Variants in MGAT4A observed in about 807,000 individuals in gnomAD.
MGAT4A encodes alpha-1,3-mannosyl-glycoprotein 4-beta-N-acetylglucosaminyltransferase A.
In MGAT4A, 33 loss-of-function variants were observed where a neutral mutation model predicts 74.1. The ratio of observed to expected loss-of-function variants is 0.45; its 90% CI spans 0.34 to 0.60. The LOEUF (loss-of-function observed/expected upper bound fraction) is 0.60. MGAT4A is among the 20% of genes least tolerant of loss of function. The pLI is 0.02. For missense variants in MGAT4A, 479 were observed against 628.3 expected (o/e 0.76, Z 2.54); for synonymous variants, 198 against 210.4 (o/e 0.94, Z 0.51).
intron 2 of MGAT4A, among the ~76,000 whole-genome samples, chr2:98,707,519 TG>T (rs1432983058): frequency 6.6e-6 from 1 of 152,192 alleles, no homozygotes; most frequent in East Asian, 1.9e-4. Context: ...ACAATCATAA[TG>T]GTATCTGCCT....
chr2:98,655,299 A>G (rs1439478450), intron 8 of MGAT4A, 146 bp downstream of exon 8: 4 of 572,714 alleles, frequency 7.0e-6, no homozygotes, highest in African/African-American at 1.9e-5. Flanking sequence ...CTCAGTTACC[A>G]TGGAGACCCC....
intron 10 of MGAT4A, among the ~76,000 whole-genome samples, chr2:98,641,394 G>A (rs1450520724): frequency 1.3e-5 from 2 of 149,954 alleles, no homozygotes; most frequent in Admixed American, 6.7e-5. Context: ...AGTGGCTCAC[G>A]CCTGTAATCC....
intron 9 of MGAT4A, 107 bp from the exon 10 acceptor site, chr2:98,644,160 A>C: frequency 1.8e-6 from 2 of 1,119,348 alleles, no homozygotes; most frequent in Non-Finnish European, 2.4e-6. Context: ...TGCGCTTTCA[A>C]CTATAAATCA....
At chr2:98,704,593 G>A (rs1375679114) in intron 2 of MGAT4A, among the ~76,000 whole-genome samples, 1 of 151,928 alleles carries the variant, frequency 6.6e-6, no homozygotes, top group Non-Finnish European at 1.5e-5. Flanking sequence ...GGGACAGAGT[G>A]AGACCCCGTC....
rs1443425006 is a variant in MGAT4A at position 98,663,381 on chromosome 2, GA to G, written c.404-203del. ...TCATTTTCACATGGCTTAACCATAA[GA>G]AAAAAAGAACTGATAAAAATGAAAG... On this transcript the variant is annotated intron_variant, in intron 4 of 15. Coordinates refer to ENST00000393487, the MANE Select transcript of MGAT4A (RefSeq NM_012214.3). The G allele has an allele frequency of 4.6e-6, 7 of 1,517,388 alleles. No homozygotes were observed. The African/African-American group carries it at 8.5e-5, about 18-fold the overall frequency. The allele number at this position is 1,517,388 out of a possible 1,614,324, so 94.0% of individuals were successfully genotyped here.
chr2:98,688,560 C>T (rs530208445), intron 2 of MGAT4A, among the ~76,000 whole-genome samples: 6 of 152,332 alleles, frequency 3.9e-5, no homozygotes, highest in Middle Eastern at 3.4e-3. Context: ...GACTTCCTAG[C>T]TGACTTTGAA....
intron 2 of MGAT4A, among the ~76,000 whole-genome samples, chr2:98,692,674 C>T (rs896134608): frequency 3.9e-5 from 6 of 152,158 alleles, no homozygotes; most frequent in Non-Finnish European, 8.8e-5. Context: ...TTTAGATACA[C>T]AAATACTTAC....
chr2:98,624,663 G>A lies in MGAT4A; in HGVS notation c.*903C>T. 1.0e-6 allele frequency: 1 copy of A among 981,826 alleles called. No homozygotes were observed. Among genetic ancestry groups the A allele is most frequent in the Non-Finnish European group, 1.2e-6 (1 of 826,686 alleles). The allele number at this position is 981,826 out of a possible 1,614,324, so 60.8% of individuals were successfully genotyped here. A position where few individuals can be genotyped will look rare whatever the true frequency, so the allele number is the denominator to read the frequency against. ...TAATGCACCTAATTCATGGATTAAA[G>A]ACAAAGATTAAAAAGGAAAGAAGAG... is the stretch of plus-strand genomic sequence containing the variant. On this transcript the variant is annotated 3_prime_UTR_variant, in exon 16 of 16. Coordinates refer to ENST00000393487, the MANE Select transcript of MGAT4A (RefSeq NM_012214.3).
chr2:98,667,918 C>A (rs1701859986), intron 4 of MGAT4A, among the ~76,000 whole-genome samples: 1 of 152,106 alleles, frequency 6.6e-6, no homozygotes, highest in South Asian at 2.1e-4. Context: ...CAGGGTTTCA[C>A]CATGTTGGTC....
intron 2 of MGAT4A, among the ~76,000 whole-genome samples, chr2:98,684,870 A>G (rs1383488354): frequency 6.6e-6 from 1 of 152,004 alleles, no homozygotes; most frequent in East Asian, 1.9e-4. Context: ...AGTTAAACCC[A>G]CTCTTTATTT....
intron 2 of MGAT4A, among the ~76,000 whole-genome samples, chr2:98,695,921 C>T (rs1443047384): frequency 2.7e-5 from 4 of 150,192 alleles, no homozygotes. Context: ...CTCTGTTGCC[C>T]AGGCTGGAGT....
intron 2 of MGAT4A, among the ~76,000 whole-genome samples, chr2:98,707,649 G>A (rs1182884758): frequency 1.3e-5 from 2 of 152,190 alleles, no homozygotes; most frequent in Admixed American, 1.3e-4. Context: ...CTCCCAAGAT[G>A]AAAGAGCAAG....
intron 2 of MGAT4A, among the ~76,000 whole-genome samples, chr2:98,699,377 C>A (rs1014406343): frequency 9.9e-5 from 15 of 152,162 alleles, no homozygotes; most frequent in African/African-American, 3.4e-4. Context: ...AGGTTATTAT[C>A]AGGGTTTATC....
rs1443394819 is a variant in MGAT4A, at chr2:98,726,416, T to A, written c.-84A>T. ...CTTTTTACCCTGAAAGTCAACTGAA[T>A]GCAGTACTCCTGGCTCTAGGCCAAT... On this transcript the variant is annotated 5_prime_UTR_variant, in exon 2 of 16. Coordinates refer to ENST00000393487, the MANE Select transcript of MGAT4A (RefSeq NM_012214.3). The A allele has an allele frequency of 1.6e-5, 18 of 1,111,644 alleles. No individual in the cohort carries two copies. Among genetic ancestry groups the A allele is most frequent in the Non-Finnish European group, 2.4e-5 (18 of 753,302 alleles). 68.9% of individuals were successfully genotyped at this position (1,111,644 alleles called of 1,614,324 possible).
chr2:98,680,592 G>A (rs944235180), intron 2 of MGAT4A, among the ~76,000 whole-genome samples: 9 of 152,158 alleles, frequency 5.9e-5, no homozygotes, highest in Admixed American at 3.9e-4. Context: ...CCGTATTTGC[G>A]TTAATTTGCT....
rs915393960 is a variant in MGAT4A, at chr2:98,644,071, G to A, written c.890-18C>T. Reference sequence around the variant, plus strand: ...CATTTTACCTGAAAAGATATTCCCAGTCAATAGCTGCAATGAAGAAACCAA... The same window carrying A: ...CATTTTACCTGAAAAGATATTCCCAATCAATAGCTGCAATGAAGAAACCAA... On this transcript the variant is annotated intron_variant, in intron 9 of 15. Transcript: ENST00000393487. 6.5e-7 allele frequency: 1 copy of A among 1,545,924 alleles called. No individual in the cohort carries two copies. Among genetic ancestry groups the A allele is most frequent in the African/African-American group, 1.4e-5 (1 of 73,088 alleles).
At chr2:98,730,601 C>G (rs1343241392) in intron 1 of MGAT4A, among the ~76,000 whole-genome samples, 1 of 151,650 alleles carries the variant, frequency 6.6e-6, no homozygotes, top group African/African-American at 2.4e-5. Context: ...CCCCGGGTCC[C>G]ACAGGCAGCT....
chr2:98,708,253 C>A (rs1358253992), intron 2 of MGAT4A, among the ~76,000 whole-genome samples: 1 of 152,018 alleles, frequency 6.6e-6, no homozygotes, highest in Non-Finnish European at 1.5e-5. Context: ...CAGGCGTGAG[C>A]CACCGCACCC....
At chr2:98,726,918 T>C (rs1343182444) in intron 1 of MGAT4A, 1 of 152,158 alleles carries the variant, frequency 6.6e-6, no homozygotes, top group Non-Finnish European at 1.5e-5. Flanking sequence ...CTTCACTCTC[T>C]CCAGTTTTCC....
Sources: allele counts gnomAD v4.1 joint callset (sites outside exome capture counted in the v4.1 genomes callset), GRCh38; gene constraint gnomAD v4.1.1; transcripts MANE v1.5; gene names NCBI Gene and HGNC (gene_info 2026-07-23, HGNC 2026-07-21).